Variants in SLC35F3 observed in about 807,000 individuals in gnomAD.
SLC35F3 encodes putative thiamine transporter SLC35F3.
SLC35F3 carries 25 observed loss-of-function variants against 49.9 expected under a neutral mutation model. That is an observed-to-expected ratio of 0.50 (90% CI 0.37 to 0.70). SLC35F3 has a LOEUF of 0.70. Ranked by LOEUF, SLC35F3 falls within the 30% of genes least tolerant of loss-of-function variation. SLC35F3 has a pLI of 0.00. For missense variants in SLC35F3, 525 were observed against 639.8 expected, an observed-to-expected ratio of 0.82 and a Z score of 1.94; for synonymous variants, 275 against 265.4, an observed-to-expected ratio of 1.04 and a Z score of -0.35.
At chr1:234,243,493 AAAGAT>A (rs1260009081) in intron 3 of SLC35F3, among the ~76,000 whole-genome samples, 6 of 152,246 alleles carry the variant, frequency 3.9e-5, no homozygotes, top group African/African-American at 1.4e-4. Flanking sequence ...GTCTCTTGGT[AAAGAT>A]GTTTTCTCGC....
At chr1:234,132,478 TC>T (rs1156571799) in intron 2 of SLC35F3, among the ~76,000 whole-genome samples, 3 of 152,234 alleles carry the variant, frequency 2.0e-5, no homozygotes, top group Non-Finnish European at 4.4e-5. Flanking sequence ...AGGTTGGACT[TC>T]CTACTAGTGC....
intron 2 of SLC35F3, among the ~76,000 whole-genome samples, chr1:234,198,304 A>G (rs1666846047): frequency 6.6e-6 from 1 of 152,226 alleles, no homozygotes; most frequent in Non-Finnish European, 1.5e-5. Context: ...AGTGCAGAAC[A>G]TTGATGTTTT....
In SLC35F3 at chr1:234,308,089, C is replaced by T. The variant is rs188561071; in HGVS notation, c.609-1012C>T. On this transcript the variant is annotated intron_variant, in intron 3 of 7. Transcript: ENST00000366618. ...TACAGATGTTTCCTCATCTCATTCC[C>T]GCGTTAGACTCTGAACTTTTGGATC... Among the ~76,000 whole-genome samples, 727 of 152,250 alleles carry T rather than the reference C, an allele frequency of 4.8e-3. 5 individuals carry two copies. The highest frequency in any genetic ancestry group is 0.015 in the African/African-American group (634 of 41,528).
intron 2 of SLC35F3, among the ~76,000 whole-genome samples, chr1:233,974,889 C>T (rs79386672): frequency 0.024 from 3,728 of 152,246 alleles, 87 homozygotes; most frequent in Middle Eastern, 0.061. Flanking sequence ...TACCACATAA[C>T]GTAATGTTGG....
chr1:234,108,296 G>GAT (rs1665320065), intron 2 of SLC35F3, among the ~76,000 whole-genome samples: 2 of 81,970 alleles, frequency 2.4e-5, no homozygotes, highest in East Asian at 1.1e-3. Context: ...TATATATAAA[G>GAT]ATATATATTT....
At chr1:234,224,310 A>G (rs866935271) in intron 2 of SLC35F3, among the ~76,000 whole-genome samples, 3 of 151,996 alleles carry the variant, frequency 2.0e-5, no homozygotes, top group Admixed American at 6.6e-5. Context: ...CAAGCAATCC[A>G]CCCATCTCGG....
At chr1:234,091,276 C>G (rs559602646) in intron 2 of SLC35F3, among the ~76,000 whole-genome samples, 1 of 152,306 alleles carries the variant, frequency 6.6e-6, no homozygotes, top group Non-Finnish European at 1.5e-5. Context: ...TACCTTGAGG[C>G]TTTTGTTCTC....
At chr1:234,016,313 C>CTT (rs1229031788) in intron 2 of SLC35F3, among the ~76,000 whole-genome samples, 1 of 152,134 alleles carries the variant, frequency 6.6e-6, no homozygotes, top group East Asian at 1.9e-4. Flanking sequence ...GATTTGAAAC[C>CTT]AGTATGTTGA....
rs201130994 is a variant in SLC35F3 at position 234,230,350 on chromosome 1, C to A, written c.284-1067C>A. Reference sequence around the variant, plus strand: ...GTTATTAAAGTTATTTAAGTTTAAGCAATGTAGAGAAAGCACGTTTGACCC... The same window carrying A: ...GTTATTAAAGTTATTTAAGTTTAAGAAATGTAGAGAAAGCACGTTTGACCC... On this transcript the variant is annotated intron_variant, in intron 2 of 7. Transcript: ENST00000366618. Among the ~76,000 whole-genome samples the A allele has an allele frequency of 2.6e-5, 4 of 152,114 alleles. No homozygotes were observed. In the East Asian group the frequency reaches 5.8e-4, roughly 22 times the overall value.
At chr1:234,227,392 C>CTTTTTTTTT (rs369277069) in intron 2 of SLC35F3, among the ~76,000 whole-genome samples, 225 of 108,636 alleles carry the variant, frequency 2.1e-3, no homozygotes, top group East Asian at 3.8e-3. Flanking sequence ...CTCTTTCTTT[C>CTTTTTTTTT]TTTTTTTTTT....
chr1:233,953,686 G>T lies in SLC35F3; in HGVS notation c.283+47928G>T, dbSNP rs577927085. 4.5e-3 allele frequency among the ~76,000 whole-genome samples: 631 copies of T among 139,030 alleles called. 4 individuals are homozygous for T. The highest frequency in any genetic ancestry group is 0.018 in the African/African-American group (594 of 32,432). The allele number at this position is 139,030 out of a possible 152,430, so 91.2% of individuals were successfully genotyped here. A position where few individuals can be genotyped will look rare whatever the true frequency, so the allele number is the denominator to read the frequency against. ...AGATTTAGGAGAGAAGTGGTCACCT[G>T]CACAGATACACGCACATCCATGAAG... On this transcript the variant is annotated intron_variant, in intron 2 of 7. Coordinates refer to ENST00000366618, the MANE Select transcript of SLC35F3 (RefSeq NM_173508.4).
chr1:234,177,864 G>A (rs925477619), intron 2 of SLC35F3, among the ~76,000 whole-genome samples: 2 of 152,158 alleles, frequency 1.3e-5, no homozygotes, highest in Non-Finnish European at 2.9e-5. Context: ...AGATAGTACA[G>A]GGCATGTCAT....
chr1:234,211,695 C>G (rs1667048779), intron 2 of SLC35F3, among the ~76,000 whole-genome samples: 1 of 152,240 alleles, frequency 6.6e-6, no homozygotes, highest in Non-Finnish European at 1.5e-5. Flanking sequence ...CAGGAAGTAA[C>G]TAACTTGCTT....
chr1:234,204,464 C>A (rs1666943741), intron 2 of SLC35F3, among the ~76,000 whole-genome samples: 2 of 152,146 alleles, frequency 1.3e-5, no homozygotes, highest in African/African-American at 4.8e-5. Flanking sequence ...CGTGATTCCC[C>A]TGCCAAGGAC....
intron 2 of SLC35F3, among the ~76,000 whole-genome samples, chr1:234,119,464 C>T (rs1227901686): frequency 1.3e-5 from 2 of 152,152 alleles, no homozygotes; most frequent in Non-Finnish European, 2.9e-5. Flanking sequence ...TTTAAAATAG[C>T]ATGATGGGTC....
rs977941362 is a variant in SLC35F3 at position 233,968,389 on chromosome 1, T to C, written c.283+62631T>C. 6.6e-5 allele frequency among the ~76,000 whole-genome samples: 10 copies of C among 152,310 alleles called. No homozygotes were observed. The South Asian group carries it at 1.0e-3, about 16-fold the overall frequency. Reference sequence around the variant, plus strand: ...TTTTATTTTAGATTCAGAAAGCATATGTGCAAGTTTGTTACATGGGTAAAT... The same window carrying C: ...TTTTATTTTAGATTCAGAAAGCATACGTGCAAGTTTGTTACATGGGTAAAT... On this transcript the variant is annotated intron_variant, in intron 2 of 7. Coordinates refer to ENST00000366618, the MANE Select transcript of SLC35F3 (RefSeq NM_173508.4).
chr1:234,214,405 G>T lies in SLC35F3; in HGVS notation c.284-17012G>T. On this transcript the variant is annotated intron_variant, in intron 2 of 7. Transcript: ENST00000366618. This position sits in a 1 kb window ranked among gnomAD's most constrained non-coding sequence, Gnocchi z 8.0. Reference sequence around the variant, plus strand: ...CGCTGGTGCTCCCCGGCGGCAGAGGGCCGCGTCGGCCACGGGCCCGGGAGA... The same window carrying T: ...CGCTGGTGCTCCCCGGCGGCAGAGGTCCGCGTCGGCCACGGGCCCGGGAGA... 1 of 1,395,402 alleles carries T rather than the reference G, an allele frequency of 7.2e-7. No homozygotes were observed. The highest frequency in any genetic ancestry group is 9.3e-7 in the Non-Finnish European group (1 of 1,071,828). 86.4% of individuals were successfully genotyped at this position (1,395,402 alleles called of 1,614,324 possible).
At chr1:233,993,181 G>A (rs1663393256) in intron 2 of SLC35F3, among the ~76,000 whole-genome samples, 2 of 152,054 alleles carry the variant, frequency 1.3e-5, no homozygotes, top group East Asian at 1.9e-4. Context: ...TAGCCAGGCT[G>A]GTCTCGAACT....
At position 234,141,933 on chromosome 1, in the gene SLC35F3, C is replaced by T. The variant is rs544595554; in HGVS notation, c.284-89484C>T. Among the ~76,000 whole-genome samples, 189 of 152,230 alleles carry T rather than the reference C, an allele frequency of 1.2e-3. 1 individual carries two copies. Among genetic ancestry groups the T allele is most frequent in the Non-Finnish European group, 2.3e-3 (157 of 68,038 alleles). ...GAGAGCACCCAAAGTGCCTTACTGA[C>T]ATATCACTTATTTCACTGTATTGTA... On this transcript the variant is annotated intron_variant, in intron 2 of 7. Transcript: ENST00000366618.
Sources: gnomAD v4.1 joint callset for allele counts (sites outside exome capture counted in the v4.1 genomes callset) on GRCh38, gnomAD v4.1.1 for gene constraint, Gnocchi (gnomAD v3.1) non-coding constraint, MANE v1.5 for transcripts, NCBI Gene and HGNC (gene_info 2026-07-23, HGNC 2026-07-21) for gene names.